Variants in DRC11 observed in about 807,000 individuals in gnomAD.
DRC11 encodes the protein dynein regulatory complex subunit 11.
the DRC11 span, among the ~76,000 whole-genome samples, chr2:236,372,137 G>A: frequency 2.6e-5 from 4 of 152,084 alleles, no homozygotes; most frequent in Non-Finnish European, 5.9e-5. This position sits in a 1 kb window ranked among gnomAD's most constrained non-coding sequence, Gnocchi z 4.5. Flanking sequence ...ACTTTGCCAC[G>A]AAATATCTCG....
At chr2:236,386,373 T>C in the DRC11 span, among the ~76,000 whole-genome samples, 5 of 152,316 alleles carry the variant, frequency 3.3e-5, no homozygotes, top group Non-Finnish European at 2.9e-5. Flanking sequence ...ATTCAACTTC[T>C]TCCTGGTTTA....
At chr2:236,338,189 G>C in the DRC11 span, 2 of 1,610,990 alleles carry the variant, frequency 1.2e-6, no homozygotes, top group Middle Eastern at 1.7e-4. Context: ...CATGGGAAGG[G>C]GCTGGGGGTA....
the DRC11 span, among the ~76,000 whole-genome samples, chr2:236,444,106 T>A: frequency 1.3e-5 from 2 of 152,184 alleles, no homozygotes; most frequent in Admixed American, 1.3e-4. Flanking sequence ...GTCAGATATA[T>A]AGATTGCAAA....
the DRC11 span, among the ~76,000 whole-genome samples, chr2:236,435,872 C>A: frequency 6.6e-6 from 1 of 152,148 alleles, no homozygotes; most frequent in East Asian, 1.9e-4. Flanking sequence ...GGATGTTGAC[C>A]TCTGGCCTAT....
chr2:236,491,210 ATACACACAG>A, the DRC11 span, among the ~76,000 whole-genome samples: 2 of 49,118 alleles, frequency 4.1e-5, no homozygotes, highest in Non-Finnish European at 7.8e-5. Flanking sequence ...ATATATATAT[ATACACACAG>A]TATATATATA....
the DRC11 span, among the ~76,000 whole-genome samples, chr2:236,372,952 C>T: frequency 0.15 from 22,957 of 152,062 alleles, 2,001 homozygotes; most frequent in Admixed American, 0.21. The surrounding 1 kb of genome is among the most constrained non-coding windows in gnomAD (Gnocchi z 4.5). Flanking sequence ...CTTTGATTTT[C>T]TTCTTTAGGG....
chr2:236,317,951 T>C, the DRC11 span, among the ~76,000 whole-genome samples: 1 of 152,164 alleles, frequency 6.6e-6, no homozygotes, highest in Non-Finnish European at 1.5e-5. The surrounding 1 kb of genome is among the most constrained non-coding windows in gnomAD (Gnocchi z 5.4). Flanking sequence ...GGGTCCCAGA[T>C]CACCCCTCAT....
At chr2:236,358,762 G>A in the DRC11 span, among the ~76,000 whole-genome samples, 6 of 149,350 alleles carry the variant, frequency 4.0e-5, no homozygotes, top group Non-Finnish European at 7.4e-5. Flanking sequence ...CACTCAGAGT[G>A]CTGAATGTCA....
At chr2:236,372,132 G>A in the DRC11 span, among the ~76,000 whole-genome samples, 6 of 152,184 alleles carry the variant, frequency 3.9e-5, no homozygotes, top group East Asian at 1.2e-3. This position sits in a 1 kb window ranked among gnomAD's most constrained non-coding sequence, Gnocchi z 4.5. Flanking sequence ...AGATAACTTT[G>A]CCACGAAATA....
At chr2:236,467,146 T>C in the DRC11 span, among the ~76,000 whole-genome samples, 1 of 152,222 alleles carries the variant, frequency 6.6e-6, no homozygotes, top group African/African-American at 2.4e-5. Flanking sequence ...AAAATGTATG[T>C]AGGTGTAGGC....
chr2:236,357,305 A>G, the DRC11 span, among the ~76,000 whole-genome samples: 1 of 119,872 alleles, frequency 8.3e-6, no homozygotes, highest in Non-Finnish European at 1.6e-5. Flanking sequence ...ATATATTCAT[A>G]TAGATCTATA....
At chr2:236,403,578 G>A in the DRC11 span, among the ~76,000 whole-genome samples, 930 of 152,228 alleles carry the variant, frequency 6.1e-3, 10 homozygotes, top group African/African-American at 0.021. Flanking sequence ...CAGAATCATA[G>A]TTTATGGCTT....
At chr2:236,338,818 A>C in the DRC11 span, among the ~76,000 whole-genome samples, 1 of 152,240 alleles carries the variant, frequency 6.6e-6, no homozygotes, top group Non-Finnish European at 1.5e-5. Flanking sequence ...TCTGAAAAAT[A>C]CCTGGTTACA....
At chr2:236,367,005 A>G in the DRC11 span, among the ~76,000 whole-genome samples, 2 of 132,446 alleles carry the variant, frequency 1.5e-5, no homozygotes, top group South Asian at 2.3e-4. The surrounding 1 kb of genome is among the most constrained non-coding windows in gnomAD (Gnocchi z 4.8). Flanking sequence ...TATTTTTAGC[A>G]GAGATGGGGT....
the DRC11 span, among the ~76,000 whole-genome samples, chr2:236,319,969 C>A: frequency 1.3e-5 from 2 of 152,180 alleles, no homozygotes. This position sits in a 1 kb window ranked among gnomAD's most constrained non-coding sequence, Gnocchi z 6.7. Flanking sequence ...TGTGTCCTTC[C>A]CCCTCAGACT....
chr2:236,372,136 C>T, the DRC11 span, among the ~76,000 whole-genome samples: 18 of 152,216 alleles, frequency 1.2e-4, no homozygotes, highest in African/African-American at 3.9e-4. This position sits in a 1 kb window ranked among gnomAD's most constrained non-coding sequence, Gnocchi z 4.5. Flanking sequence ...AACTTTGCCA[C>T]GAAATATCTC....
At chr2:236,450,818 T>C in the DRC11 span, among the ~76,000 whole-genome samples, 3 of 152,340 alleles carry the variant, frequency 2.0e-5, no homozygotes, top group Admixed American at 1.3e-4. Context: ...ATTTACCTTG[T>C]TTTTCTTTAT....
At chr2:236,339,700 C>T in the DRC11 span, among the ~76,000 whole-genome samples, 2 of 152,180 alleles carry the variant, frequency 1.3e-5, no homozygotes, top group Non-Finnish European at 2.9e-5. Context: ...GCACCTTTGT[C>T]AAAACGAACT....
the DRC11 span, among the ~76,000 whole-genome samples, chr2:236,494,304 GTAAA>G: frequency 4.6e-5 from 7 of 152,298 alleles, no homozygotes; most frequent in Non-Finnish European, 8.8e-5. This position sits in a 1 kb window ranked among gnomAD's most constrained non-coding sequence, Gnocchi z 4.2. Flanking sequence ...CTATTTGTAT[GTAAA>G]TAGTCACATT....
Sources: gnomAD v4.1 joint callset for allele counts (sites outside exome capture counted in the v4.1 genomes callset) on GRCh38, gnomAD v4.1.1 for gene constraint, Gnocchi (gnomAD v3.1) non-coding constraint, MANE v1.5 for transcripts, NCBI Gene and HGNC (gene_info 2026-07-23, HGNC 2026-07-21) for gene names.